SNX25: variants seen among roughly 807,000 people sequenced by gnomAD.
SNX25 encodes the protein sorting nexin-25.
A neutral mutation model predicts 113.7 loss-of-function variants in SNX25; 62 were observed. That is an observed-to-expected ratio of 0.55 (90% CI 0.44 to 0.67). SNX25 has a LOEUF of 0.67. Ranked by LOEUF, SNX25 falls within the 30% of genes least tolerant of loss-of-function variation. SNX25 has a pLI of 0.00. For synonymous variants in SNX25, 421 were observed against 436.2 expected (o/e 0.97, Z 0.43); for missense variants, 1,014 against 1,161.0 (o/e 0.87, Z 1.84).
intron 15 of SNX25, among the ~76,000 whole-genome samples, chr4:185,355,157 A>G (rs186589964): frequency 1.3e-3 from 204 of 152,368 alleles, no homozygotes; most frequent in Non-Finnish European, 1.1e-3. Context: ...AGTATCTACT[A>G]CAATGCCTGA....
chr4:185,224,814 A>T (rs954054745), intron 1 of SNX25, among the ~76,000 whole-genome samples: 2 of 151,936 alleles, frequency 1.3e-5, no homozygotes, highest in South Asian at 4.1e-4. Flanking sequence ...TCCTTTGGAC[A>T]TAACCCTTGT....
chr4:185,205,136 A>T (rs1227693064), upstream of SNX25, among the ~76,000 whole-genome samples: 1 of 152,248 alleles, frequency 6.6e-6, no homozygotes, highest in Non-Finnish European at 1.5e-5. Flanking sequence ...TACCAAAAGT[A>T]TAATCAATTC....
At chr4:185,359,547 A>G (rs943917837) in intron 16 of SNX25, among the ~76,000 whole-genome samples, 14 of 152,096 alleles carry the variant, frequency 9.2e-5, no homozygotes, top group African/African-American at 2.9e-4. Flanking sequence ...TAATCCCAGC[A>G]CTTTGGGAGG....
At chr4:185,336,834 A>AT (rs917530208) in intron 10 of SNX25, among the ~76,000 whole-genome samples, 14 of 151,854 alleles carry the variant, frequency 9.2e-5, no homozygotes, top group Middle Eastern at 3.4e-3. Context: ...CTATCTTTTT[A>AT]TTTTTTTATC....
intron 15 of SNX25, 90 bp from the exon 16 acceptor site, chr4:185,357,581 A>C (rs74735070): frequency 0.057 from 60,593 of 1,068,866 alleles, 1,999 homozygotes; most frequent in African/African-American, 0.092. Context: ...AATCATCTTA[A>C]GTGGTAAGAT....
downstream of SNX25, among the ~76,000 whole-genome samples, chr4:185,372,009 T>A (rs2095417802): frequency 6.6e-6 from 1 of 152,176 alleles, no homozygotes; most frequent in Non-Finnish European, 1.5e-5. Flanking sequence ...ACACTGTGGG[T>A]AAATACGTGT....
At chr4:185,321,303 C>G (rs1393908138) in intron 8 of SNX25, among the ~76,000 whole-genome samples, 1 of 147,248 alleles carries the variant, frequency 6.8e-6, no homozygotes, top group African/African-American at 2.5e-5. Context: ...TACTCTTTTA[C>G]CCAGGCTGGA....
In SNX25 at chr4:185,363,535, C is replaced by A; in HGVS notation, c.*70C>A. The A allele has an allele frequency of 7.0e-7, 1 of 1,418,512 alleles. No homozygotes were observed. The highest frequency in any genetic ancestry group is 1.0e-6 in the Non-Finnish European group (1 of 1,003,948). 87.9% of individuals were successfully genotyped at this position (1,418,512 alleles called of 1,614,324 possible). On this transcript the variant is annotated 3_prime_UTR_variant, in exon 19 of 19. Coordinates refer to ENST00000652585, the MANE Select transcript of SNX25 (RefSeq NM_001378034.2). The surrounding 1 kb of genome is among the most constrained non-coding windows in gnomAD (Gnocchi z 4.2). Reference sequence around the variant, plus strand: ...ACATGAAACATTTTCCTCTTTTCCACAGAGGGCTTAACTGAGAACCGTATT... The same window carrying A: ...ACATGAAACATTTTCCTCTTTTCCAAAGAGGGCTTAACTGAGAACCGTATT...
chr4:185,219,689 G>C (rs1449102002), intron 1 of SNX25, among the ~76,000 whole-genome samples: 1 of 152,194 alleles, frequency 6.6e-6, no homozygotes, highest in African/African-American at 2.4e-5. Flanking sequence ...ATCTGGCTCA[G>C]ACTGGCTGCT....
At chr4:185,250,345 C>G (rs2126495102) in intron 2 of SNX25, among the ~76,000 whole-genome samples, 1 of 152,318 alleles carries the variant, frequency 6.6e-6, no homozygotes, top group Admixed American at 6.5e-5. Flanking sequence ...TTTGAGTCTT[C>G]CAGCTGTTGC....
chr4:185,358,981 T>A (rs1335949263), intron 16 of SNX25, among the ~76,000 whole-genome samples: 1 of 152,198 alleles, frequency 6.6e-6, no homozygotes, highest in Non-Finnish European at 1.5e-5. Flanking sequence ...CATTTGCTAT[T>A]TTTTTATTGA....
chr4:185,239,163 G>T (rs1474666768), intron 1 of SNX25, among the ~76,000 whole-genome samples: 2 of 152,162 alleles, frequency 1.3e-5, no homozygotes, highest in African/African-American at 4.8e-5. Context: ...GCTTTTTCAT[G>T]CTGAGGATCT....
chr4:185,273,572 A>T (rs1749248426), intron 5 of SNX25, among the ~76,000 whole-genome samples: 1 of 152,158 alleles, frequency 6.6e-6, no homozygotes, highest in African/African-American at 2.4e-5. Flanking sequence ...GCAAATTTCG[A>T]GTGTATCATA....
chr4:185,309,913 T>C (rs997317555), intron 6 of SNX25, among the ~76,000 whole-genome samples: 3 of 152,278 alleles, frequency 2.0e-5, no homozygotes, highest in African/African-American at 7.2e-5. Flanking sequence ...GTGCACCTCA[T>C]GGCTTCTGCC....
At chr4:185,258,304 A>G (rs772985797) in intron 2 of SNX25, among the ~76,000 whole-genome samples, 1 of 152,188 alleles carries the variant, frequency 6.6e-6, no homozygotes, top group Non-Finnish European at 1.5e-5. Flanking sequence ...ATCGGGTGCC[A>G]TGCCTGCTGC....
At position 185,334,443 on chromosome 4, in the gene SNX25, T is replaced by C. The variant is rs1237277205; in HGVS notation, c.1914+1684T>C. On this transcript the variant is annotated intron_variant, in intron 10 of 18. Transcript: ENST00000652585. This position sits in a 1 kb window ranked among gnomAD's most constrained non-coding sequence, Gnocchi z 4.2. ...CAGAAATAGTTCATTCTCCCCCTTA[T>C]GTGGAGTCACTCCCATTTACTACAT... is the stretch of plus-strand genomic sequence containing the variant. Among the ~76,000 whole-genome samples the C allele has an allele frequency of 1.3e-5, 2 of 152,204 alleles. No individual in the cohort carries two copies. The highest frequency in any genetic ancestry group is 2.9e-5 in the Non-Finnish European group (2 of 68,026).
At chr4:185,279,137 T>C (rs1348444430) in intron 5 of SNX25, among the ~76,000 whole-genome samples, 1 of 151,320 alleles carries the variant, frequency 6.6e-6, no homozygotes, top group Admixed American at 6.6e-5. Context: ...TTTATAATTA[T>C]ATACATATTA....
At position 185,363,040 on chromosome 4, in the gene SNX25, G is replaced by A. The variant is rs1356787277; in HGVS notation, c.2934+329G>A. 3.3e-5 allele frequency among the ~76,000 whole-genome samples: 5 copies of A among 151,760 alleles called. No individual in the cohort carries two copies. Among genetic ancestry groups the A allele is most frequent in the Non-Finnish European group, 1.5e-5 (1 of 67,928 alleles). On this transcript the variant is annotated intron_variant, in intron 18 of 18. Coordinates refer to ENST00000652585, the MANE Select transcript of SNX25 (RefSeq NM_001378034.2). The surrounding 1 kb of genome is among the most constrained non-coding windows in gnomAD (Gnocchi z 4.2). ...GTATTTTTAGTAGAGATGGGGTTTC[G>A]CCATGTTGGCTGGGATGGTCTCTAA... is the stretch of plus-strand genomic sequence containing the variant.
At chr4:185,229,874 G>A (rs1741571979) in intron 1 of SNX25, among the ~76,000 whole-genome samples, 1 of 152,100 alleles carries the variant, frequency 6.6e-6, no homozygotes, top group Non-Finnish European at 1.5e-5. Context: ...TGTCACCCAG[G>A]CTGGAGTGCA....
Sources: gnomAD v4.1 joint callset for allele counts (sites outside exome capture counted in the v4.1 genomes callset) on GRCh38, gnomAD v4.1.1 for gene constraint, Gnocchi (gnomAD v3.1) non-coding constraint, MANE v1.5 for transcripts, NCBI Gene and HGNC (gene_info 2026-07-23, HGNC 2026-07-21) for gene names.